Variants in DYM observed in about 807,000 individuals in gnomAD.
DYM encodes dymeclin.
In DYM, 78 loss-of-function variants were observed where a neutral mutation model predicts 93.1. The observed-to-expected ratio is 0.84, with a 90% CI of 0.70 to 1.01. The LOEUF is 1.01. DYM is among the 50% of genes least tolerant of loss of function. The probability of loss-of-function intolerance (pLI) is 0.00; values close to 1 mark genes in which losing one functional copy is unlikely to be tolerated. For synonymous variants in DYM, 321 were observed against 319.7 expected, an observed-to-expected ratio of 1.00 and a Z score of -0.04; for missense variants, 789 against 845.0, an observed-to-expected ratio of 0.93 and a Z score of 0.82.
At chr18:49,369,544 A>C (rs966192543) in intron 5 of DYM, among the ~76,000 whole-genome samples, 1 of 152,178 alleles carries the variant, frequency 6.6e-6, no homozygotes, top group African/African-American at 2.4e-5. Flanking sequence ...CAGCTTTCAC[A>C]GATCAGTGAA....
chr18:49,081,108 C>T (rs2077959250), intron 17 of DYM, among the ~76,000 whole-genome samples: 1 of 150,408 alleles, frequency 6.6e-6, no homozygotes, highest in Non-Finnish European at 1.5e-5. Context: ...GGGTGGCGGC[C>T]GGGCAGAGGC....
In DYM at chr18:49,369,736, A is replaced by G. The variant is rs1038636435; in HGVS notation, c.422-6503T>C. 2.6e-5 allele frequency among the ~76,000 whole-genome samples: 3 copies of G among 117,468 alleles called. No individual in the cohort carries two copies. The Admixed American group carries it at 2.9e-4, about 11-fold the overall frequency. 77.1% of individuals were successfully genotyped at this position (117,468 alleles called of 152,430 possible). The stretch of plus-strand genomic sequence containing the variant: ...TGCTTGAGAATAAGTCCCACAAAAT[A>G]ATTTTTTAAAAATAAGTTTATATTG... On this transcript the variant is annotated intron_variant, in intron 5 of 17. Transcript: ENST00000675505.
In DYM at chr18:49,272,309, G is replaced by T. The variant is rs1459443868; in HGVS notation, c.1126-6C>A. ...ATCTCAAGAATTGGTAAAACCTAGA[G>T]AATAAAAATTATAATTGACTATTTC... On this transcript the variant is annotated splice_region_variant and splice_polypyrimidine_tract_variant and intron_variant, in intron 10 of 17. Coordinates refer to ENST00000675505, the MANE Select transcript of DYM (RefSeq NM_001353214.3). The T allele has an allele frequency of 8.7e-6, 13 of 1,500,170 alleles. No individual in the cohort carries two copies. The East Asian group carries it at 2.9e-4, about 34-fold the overall frequency. 92.9% of individuals were successfully genotyped at this position (1,500,170 alleles called of 1,614,324 possible). A position where few individuals can be genotyped will look rare whatever the true frequency, so the allele number is the denominator to read the frequency against.
intron 1 of DYM, among the ~76,000 whole-genome samples, chr18:49,431,461 G>A (rs1257539771): frequency 6.6e-6 from 1 of 152,118 alleles, no homozygotes; most frequent in African/African-American, 2.4e-5. Context: ...AGTCAGTATT[G>A]GTTGTTCTCA....
chr18:49,201,375 A>G (rs1203730087), intron 14 of DYM, among the ~76,000 whole-genome samples: 5 of 152,016 alleles, frequency 3.3e-5, no homozygotes, highest in Non-Finnish European at 7.4e-5. Context: ...TACTGCCACA[A>G]TCAGGTAGTC....
intron 2 of DYM, among the ~76,000 whole-genome samples, chr18:49,401,301 A>C (rs1328003879): frequency 6.6e-6 from 1 of 152,230 alleles, no homozygotes; most frequent in African/African-American, 2.4e-5. Context: ...CTCTCCCTGA[A>C]GCAATCCATA....
rs753095286 is a variant in DYM at position 49,433,490 on chromosome 18, G to A, written c.-53-3043C>T. On this transcript the variant is annotated intron_variant, in intron 1 of 17. Transcript: ENST00000675505. ...AGCAGCAGCAGGATTGGTGGTCTAC[G>A]AGTGCTAAACCTTCATCTTCCATAA... Among the ~76,000 whole-genome samples the A allele has an allele frequency of 7.2e-5, 11 of 152,266 alleles. 1 individual carries two copies. In the East Asian group the frequency reaches 1.3e-3, roughly 19 times the overall value.
chr18:49,175,924 CAATCCTAG>C (rs2089322664), intron 14 of DYM, among the ~76,000 whole-genome samples: 1 of 152,052 alleles, frequency 6.6e-6, no homozygotes, highest in Non-Finnish European at 1.5e-5. Flanking sequence ...CTGGAGAAGC[CAATCCTAG>C]AATCCTAAAA....
chr18:49,459,782 A>C (rs1202755901), intron 1 of DYM, among the ~76,000 whole-genome samples: 4 of 152,120 alleles, frequency 2.6e-5, no homozygotes, highest in Non-Finnish European at 4.4e-5. Context: ...TACTGCCCCC[A>C]GTTCACAAAC....
At chr18:49,093,730 G>GGGCCC (rs1568408809) in intron 17 of DYM, among the ~76,000 whole-genome samples, 1 of 152,150 alleles carries the variant, frequency 6.6e-6, no homozygotes, top group Non-Finnish European at 1.5e-5. Context: ...GGACCCCAAG[G>GGGCCC]GGCCCTCCCA....
At chr18:49,398,141 C>T (rs114855482) in intron 2 of DYM, among the ~76,000 whole-genome samples, 1,630 of 152,112 alleles carry the variant, frequency 0.011, 27 homozygotes, top group African/African-American at 0.038. Flanking sequence ...TTAAGTTTCA[C>T]CTAGGACTGA....
At chr18:49,085,056 T>C (rs540925416) in intron 17 of DYM, among the ~76,000 whole-genome samples, 69 of 152,334 alleles carry the variant, frequency 4.5e-4, no homozygotes, top group African/African-American at 1.7e-3. Flanking sequence ...GTATATATGA[T>C]CTCTCAATTT....
At chr18:49,069,873 T>A (rs1375101077) in intron 17 of DYM, among the ~76,000 whole-genome samples, 1 of 152,136 alleles carries the variant, frequency 6.6e-6, no homozygotes, top group South Asian at 2.1e-4. Flanking sequence ...AAACCCCATC[T>A]CTACTAAAAA....
intron 2 of DYM, among the ~76,000 whole-genome samples, chr18:49,425,006 C>G (rs1259436542): frequency 6.6e-6 from 1 of 152,126 alleles, no homozygotes; most frequent in African/African-American, 2.4e-5. Context: ...CCCCATCAAG[C>G]TACCGATGAC....
chr18:49,364,996 T>C (rs1387300202), intron 5 of DYM, among the ~76,000 whole-genome samples: 2 of 152,142 alleles, frequency 1.3e-5, no homozygotes, highest in Non-Finnish European at 2.9e-5. Context: ...ATTTTTTGTC[T>C]ACAAGCAGGC....
At chr18:49,410,354 CCA>C (rs2072091582) in intron 2 of DYM, among the ~76,000 whole-genome samples, 1 of 151,914 alleles carries the variant, frequency 6.6e-6, no homozygotes, top group African/African-American at 2.4e-5. Flanking sequence ...GCCACAGTAC[CCA>C]GTCACTGGAT....
chr18:49,378,519 A>C (rs2067726023), intron 5 of DYM, 48 bp downstream of exon 5: 1 of 1,535,706 alleles, frequency 6.5e-7, no homozygotes, highest in Non-Finnish European at 9.0e-7. Flanking sequence ...TTTTATCCTT[A>C]AATGTTACAC....
At chr18:49,192,322 T>C (rs1036060346) in intron 14 of DYM, among the ~76,000 whole-genome samples, 4 of 152,126 alleles carry the variant, frequency 2.6e-5, no homozygotes, top group East Asian at 1.9e-4. Context: ...AATAAAAATA[T>C]TTAATAACTA....
chr18:49,436,207 C>T (rs923558288), intron 1 of DYM, among the ~76,000 whole-genome samples: 2 of 151,972 alleles, frequency 1.3e-5, no homozygotes, highest in South Asian at 2.1e-4. Flanking sequence ...TAGAGATGGG[C>T]GTCTTGCTAT....
Sources: gnomAD v4.1 joint callset for allele counts (sites outside exome capture counted in the v4.1 genomes callset) on GRCh38, gnomAD v4.1.1 for gene constraint, MANE v1.5 for transcripts, NCBI Gene and HGNC (gene_info 2026-07-23, HGNC 2026-07-21) for gene names.